Variants in DNAH17 observed in about 807,000 individuals in gnomAD.
The protein encoded by DNAH17 is dynein axonemal heavy chain 17.
DNAH17 carries 376 observed loss-of-function variants against 485.6 expected under a neutral mutation model. The ratio of observed to expected loss-of-function variants is 0.77; its 90% confidence interval spans 0.71 to 0.84. DNAH17 has a LOEUF of 0.84. Ranked by LOEUF, DNAH17 falls within the 40% of genes least tolerant of loss-of-function variation. The probability of loss-of-function intolerance (pLI) is 0.00; values close to 1 mark genes in which losing one functional copy is unlikely to be tolerated. For missense variants in DNAH17, 6,370 were observed against 5,839.3 expected, an observed-to-expected ratio of 1.09 and a Z score of -2.96; for synonymous variants, 3,031 against 2,405.9, an observed-to-expected ratio of 1.26 and a Z score of -7.60.
rs1397591773 is a variant in DNAH17, at chr17:78,539,797, A to G, written c.2616T>C (p.Asp872=). The change falls in exon 18 of 81, where the codon GAT becomes GAC. Residue 872 remains aspartate (D), a synonymous_variant. Transcript: ENST00000389840. ...ATTTGCGAATGAACTGGTCAAATTC[A>G]TCTAAGACCATGTCGTCAATGTAGA... ...YVIYIDDMVL[D]EFDQFIRKSL... 1.2e-6 allele frequency: 2 copies of G among 1,611,998 alleles called. No homozygotes were observed. The highest frequency in any genetic ancestry group is 1.3e-5 in the African/African-American group (1 of 74,892).
intron 16 of DNAH17, among the ~76,000 whole-genome samples, chr17:78,550,231 C>T (rs1241834855): frequency 1.5e-5 from 2 of 135,642 alleles, no homozygotes; most frequent in Non-Finnish European, 3.2e-5. Context: ...CAAGGAGGCA[C>T]ACGTCTGGAC....
At chr17:78,445,060 G>A (rs956013754) in intron 70 of DNAH17, among the ~76,000 whole-genome samples, 2 of 152,178 alleles carry the variant, frequency 1.3e-5, no homozygotes, top group African/African-American at 4.8e-5. Flanking sequence ...TGCTTCTCTA[G>A]GGGTCTCTGC....
chr17:78,562,028 T>TC, intron 11 of DNAH17, 48 bp from the exon 12 acceptor site: 2 of 1,512,904 alleles, frequency 1.3e-6, no homozygotes, highest in Non-Finnish European at 1.8e-6. Flanking sequence ...CTCCTCCCCT[T>TC]CCCCAGCCTG....
Position 78,502,993 on chromosome 17 carries a change from G to T in DNAH17, c.4975C>A (p.Arg1659=), listed in dbSNP as rs771932003. The part of the protein sequence containing the change: ...LSGQVEVWLN[R]VLDRMCSTLR... ...GTAGAGCACATTCGGTCCAGCACTC[G>T]ATTCAGCCACACTTCCACCTGGGGA... Residue 1659 remains arginine (R), a synonymous_variant, in exon 32 of 81, where the codon CGA becomes AGA. Transcript: ENST00000389840. The T allele has an allele frequency of 1.2e-6, 2 of 1,613,556 alleles. No homozygotes were observed. The highest frequency in any genetic ancestry group is 3.3e-5 in the Admixed American group (2 of 59,946).
At chr17:78,545,934 A>C (rs1367699467) in intron 16 of DNAH17, among the ~76,000 whole-genome samples, 1 of 152,010 alleles carries the variant, frequency 6.6e-6, no homozygotes, top group Non-Finnish European at 1.5e-5. Context: ...GTATGTATGC[A>C]AGGATGTATA....
Position 78,427,109 on chromosome 17 carries a change from C to A in DNAH17, c.12589-1G>T. 6.4e-7 allele frequency: 1 copy of A among 1,567,586 alleles called. No homozygotes were observed. The highest frequency in any genetic ancestry group is 2.4e-5 in the East Asian group (1 of 42,064). ...GGATGTCGTCCAGCACGGCCTTCAC[C>A]TGGAAGCCAGTCCCCGGACAGCCCC... is the stretch of plus-strand genomic sequence containing the variant. On this transcript the variant is annotated splice_acceptor_variant, in intron 77 of 80. Coordinates refer to ENST00000389840, the MANE Select transcript of DNAH17 (RefSeq NM_173628.4). LOFTEE classifies it high-confidence loss of function.
At chr17:78,479,865 G>T (rs925936091) in intron 49 of DNAH17, among the ~76,000 whole-genome samples, 1 of 152,108 alleles carries the variant, frequency 6.6e-6, no homozygotes, top group African/African-American at 2.4e-5. Flanking sequence ...TTTGGCAAAG[G>T]CAAGAGATGG....
intron 26 of DNAH17, among the ~76,000 whole-genome samples, chr17:78,512,434 A>G (rs750801541): frequency 5.3e-5 from 8 of 152,178 alleles, no homozygotes; most frequent in South Asian, 2.1e-4. Flanking sequence ...TCATCACTAA[A>G]TATCTCCTGC....
chr17:78,460,072 G>T (rs986771783), intron 59 of DNAH17, 71 bp from the exon 60 acceptor site: 11 of 1,591,056 alleles, frequency 6.9e-6, no homozygotes, highest in Admixed American at 1.7e-5. Context: ...CGAAGAAGCC[G>T]CCATGAGTGT....
At chr17:78,533,585 A>G (rs2091296840) in intron 19 of DNAH17, among the ~76,000 whole-genome samples, 1 of 152,214 alleles carries the variant, frequency 6.6e-6, no homozygotes, top group South Asian at 2.1e-4. Flanking sequence ...CTGGTTAAGC[A>G]AAGAGAGAAC....
chr17:78,426,301 G>T (rs1441325359), intron 79 of DNAH17, among the ~76,000 whole-genome samples, 156 bp downstream of exon 79: 1 of 152,202 alleles, frequency 6.6e-6, no homozygotes, highest in African/African-American at 2.4e-5. Flanking sequence ...TGTGGGAGGG[G>T]CATGGGCTAG....
chr17:78,430,409 G>C lies in DNAH17; in HGVS notation c.12226-1109C>G, dbSNP rs535710737. 4.6e-4 allele frequency among the ~76,000 whole-genome samples: 70 copies of C among 152,284 alleles called. 1 individual carries two copies. Among genetic ancestry groups the C allele is most frequent in the African/African-American group, 1.6e-3 (66 of 41,552 alleles). ...GCTTCCGCACACCTGTTCTTTCCCT[G>C]AAGTTTGCAGCTCCTGAAGGGCGAG... On this transcript the variant is annotated intron_variant, in intron 75 of 80. Coordinates refer to ENST00000389840, the MANE Select transcript of DNAH17 (RefSeq NM_173628.4).
Position 78,474,856 on chromosome 17 carries a change from C to A in DNAH17, c.8511+422G>T, listed in dbSNP as rs140291784. 3.6e-3 allele frequency among the ~76,000 whole-genome samples: 542 copies of A among 150,784 alleles called. 5 individuals carry two copies. The highest frequency in any genetic ancestry group is 0.012 in the African/African-American group (503 of 40,844). ...TTTCACTCTCTTCACCTCAGTCATG[C>A]GGGCCGGAAGATTTCACACCCTTCA... On this transcript the variant is annotated intron_variant, in intron 54 of 80. Transcript: ENST00000389840.
intron 62 of DNAH17, among the ~76,000 whole-genome samples, chr17:78,456,131 T>G (rs566892178): frequency 4.3e-4 from 66 of 152,052 alleles, no homozygotes; most frequent in African/African-American, 1.6e-3. Flanking sequence ...AAACCCCGTC[T>G]CTACTAAAAA....
chr17:78,448,528 A>G lies in DNAH17; in HGVS notation c.11211+886T>C, dbSNP rs544723105. 9.9e-5 allele frequency among the ~76,000 whole-genome samples: 15 copies of G among 152,282 alleles called. No individual in the cohort carries two copies. The South Asian group carries it at 2.9e-3, about 29-fold the overall frequency. ...GGTGACAGAGTGAGATTGTCTCAAA[A>G]TAGCAGCAGTAGCAACAACAACAAA... On this transcript the variant is annotated intron_variant, in intron 69 of 80. Transcript: ENST00000389840.
intron 24 of DNAH17, 37 bp from the exon 25 acceptor site, chr17:78,525,198 AC>A: frequency 6.3e-7 from 1 of 1,599,820 alleles, no homozygotes. Flanking sequence ...AGGGCTACCT[AC>A]CCTCAGCGGT....
chr17:78,453,374 G>C lies in DNAH17; in HGVS notation c.10498C>G (p.Leu3500Val). 2 of 1,613,736 alleles carry C rather than the reference G, an allele frequency of 1.2e-6. No homozygotes were observed. The highest frequency in any genetic ancestry group is 1.7e-5 in the Admixed American group (1 of 59,968). The change falls in exon 65 of 81, where the codon CTA becomes GTA. Residue 3500 changes from leucine (L) to valine (V), a missense_variant. Transcript: ENST00000389840. ...TTTTTAATCGTGTTCCTGCCCAGTAGAGGGTCCAGCACGGGGTCCACGGTT... is the reference window on the plus strand; with the variant it reads ...TTTTTAATCGTGTTCCTGCCCAGTACAGGGTCCAGCACGGGGTCCACGGTT... ...GETVDPVLDP[L>V]LGRNTIKKGK...
intron 31 of DNAH17, among the ~76,000 whole-genome samples, chr17:78,504,894 C>CTTTTTTTTT (rs66596656): frequency 3.4e-5 from 2 of 58,934 alleles, no homozygotes; most frequent in African/African-American, 1.4e-4. Flanking sequence ...ATTAACAGGG[C>CTTTTTTTTT]TTTTTTTTTT....
chr17:78,435,952 C>A (rs928893675), intron 74 of DNAH17, among the ~76,000 whole-genome samples: 13 of 150,180 alleles, frequency 8.7e-5, no homozygotes, highest in Non-Finnish European at 2.9e-5. Context: ...TGTTTTTCTG[C>A]TTTTTCTTTT....
Sources: gnomAD v4.1 joint callset for allele counts (sites outside exome capture counted in the v4.1 genomes callset) on GRCh38, gnomAD v4.1.1 for gene constraint, MANE v1.5 for transcripts, NCBI Gene and HGNC (gene_info 2026-07-23, HGNC 2026-07-21) for gene names.